The following TTC6 variants were observed in gnomAD, a reference collection of about 807,000 sequenced individuals.
TTC6 encodes tetratricopeptide repeat domain 6, also known as tetratricopeptide repeat protein 6.
In TTC6, 172 loss-of-function variants were observed where a neutral mutation model predicts 210.4. That is an observed-to-expected ratio of 0.82 (90% CI 0.72 to 0.93). The LOEUF (loss-of-function observed/expected upper bound fraction) is 0.93. Among genes scored for constraint, TTC6 ranks in the 40% least tolerant of loss-of-function variants. The probability of loss-of-function intolerance (pLI) is 0.00; values close to 1 mark genes in which losing one functional copy is unlikely to be tolerated. For missense variants in TTC6, 2,414 were observed against 2,318.1 expected (o/e 1.04, Z -0.85); for synonymous variants, 804 against 819.6 (o/e 0.98, Z 0.32).
At chr14:37,768,409 G>A (rs1414041897) in intron 14 of TTC6, among the ~76,000 whole-genome samples, 34 of 151,652 alleles carry the variant, frequency 2.2e-4, no homozygotes, top group African/African-American at 7.3e-4. Flanking sequence ...CCATTTTCAC[G>A]ATATTGATTC....
chr14:37,795,772 C>CT (rs1452104812), intron 18 of TTC6, among the ~76,000 whole-genome samples: 1 of 152,144 alleles, frequency 6.6e-6, no homozygotes, highest in African/African-American at 2.4e-5. Flanking sequence ...TATACCATTT[C>CT]TACAGGTACT....
intron 1 of TTC6, among the ~76,000 whole-genome samples, chr14:37,647,868 G>A (rs1018656758): frequency 6.6e-6 from 1 of 152,080 alleles, no homozygotes; most frequent in African/African-American, 2.4e-5. Flanking sequence ...CCTGGTAGAA[G>A]AGAAAAACCA....
chr14:37,782,319 A>G (rs1490918127), intron 14 of TTC6, among the ~76,000 whole-genome samples: 7 of 152,004 alleles, frequency 4.6e-5, no homozygotes, highest in African/African-American at 1.7e-4. Flanking sequence ...GTGGTTTGTA[A>G]TTCTCCTTGA....
intron 14 of TTC6, among the ~76,000 whole-genome samples, chr14:37,781,748 T>G (rs1485932112): frequency 6.6e-6 from 1 of 152,204 alleles, no homozygotes; most frequent in African/African-American, 2.4e-5. Flanking sequence ...TCTAGGATTT[T>G]TATGCTTTTA....
intron 2 of TTC6, among the ~76,000 whole-genome samples, chr14:37,614,513 A>G (rs1276734791): frequency 6.6e-6 from 1 of 152,176 alleles, no homozygotes; most frequent in Non-Finnish European, 1.5e-5. Flanking sequence ...ACTTACTCAG[A>G]CATTTGACAT....
At chr14:37,745,078 GTATA>G (rs984542109) in intron 10 of TTC6, among the ~76,000 whole-genome samples, 1 of 151,732 alleles carries the variant, frequency 6.6e-6, no homozygotes, top group Non-Finnish European at 1.5e-5. Context: ...ATGTGTGTGT[GTATA>G]TATATATGGA....
chr14:37,658,041 T>G (rs996397845), intron 1 of TTC6, among the ~76,000 whole-genome samples: 3 of 152,312 alleles, frequency 2.0e-5, no homozygotes, highest in African/African-American at 7.2e-5. Context: ...AGTTTAAGCT[T>G]TGTTGAACCA....
At chr14:37,698,042 T>C (rs1182316941) in intron 4 of TTC6, among the ~76,000 whole-genome samples, 2 of 152,138 alleles carry the variant, frequency 1.3e-5, no homozygotes, top group Non-Finnish European at 1.5e-5. Context: ...TTGATATATA[T>C]ATATTACTGC....
chr14:37,726,907 G>A (rs2095874100), intron 7 of TTC6, among the ~76,000 whole-genome samples: 1 of 151,848 alleles, frequency 6.6e-6, no homozygotes, highest in African/African-American at 2.4e-5. Flanking sequence ...TTCTAATATT[G>A]CATCATTTTC....
intron 5 of TTC6, among the ~76,000 whole-genome samples, chr14:37,711,221 A>G (rs2095844224): frequency 6.6e-6 from 1 of 152,162 alleles, no homozygotes; most frequent in African/African-American, 2.4e-5. Flanking sequence ...AAATTCAACA[A>G]TATTTATTTA....
intron 10 of TTC6, 47 bp from the exon 13 acceptor site, chr14:37,748,892 A>T (rs2095943715): frequency 7.3e-7 from 1 of 1,367,548 alleles, no homozygotes; most frequent in Non-Finnish European, 9.6e-7. Flanking sequence ...GATTAGAAAG[A>T]TGATTGTATT....
exon 1 of TTC6, chr14:37,622,494 G>C: frequency 1.3e-6 from 2 of 1,535,230 alleles, no homozygotes; most frequent in South Asian, 1.2e-5. Flanking sequence ...CTCGGGGTTC[G>C]GCACGGCCAG....
rs923661772 is a variant in TTC6 at position 37,782,029 on chromosome 14, G to A, written c.3267-5439G>A. On this transcript the variant is annotated intron_variant, in intron 14 of 30. Coordinates refer to ENST00000553443, the Ensembl canonical transcript of TTC6. ...GTACCATGCTGTTTTGGTTACTGTA[G>A]CCTTGTAGTATAGTTTGAAGTCAGG... Among the ~76,000 whole-genome samples, 30 of 152,102 alleles carry A rather than the reference G, an allele frequency of 2.0e-4. 1 individual carries two copies. Among genetic ancestry groups the A allele is most frequent in the African/African-American group, 7.0e-4 (29 of 41,424 alleles).
chr14:37,801,626 T>C (rs1270225517), intron 20 of TTC6, among the ~76,000 whole-genome samples: 1 of 152,098 alleles, frequency 6.6e-6, no homozygotes, highest in East Asian at 1.9e-4. Flanking sequence ...TGACTTCTTA[T>C]GGAGAGAGTG....
chr14:37,624,366 C>A (rs1265755841), intron 1 of TTC6, among the ~76,000 whole-genome samples: 2 of 152,162 alleles, frequency 1.3e-5, no homozygotes, highest in Non-Finnish European at 1.5e-5. Context: ...AGAAAGGCCT[C>A]GGTGCCCCTA....
intron 14 of TTC6, among the ~76,000 whole-genome samples, chr14:37,766,416 G>A (rs1051682375): frequency 6.6e-6 from 1 of 152,088 alleles, no homozygotes; most frequent in Non-Finnish European, 1.5e-5. Context: ...TTGTGTCCAT[G>A]TGTTCTCAAT....
chr14:37,723,936 G>A (rs2095866614), intron 6 of TTC6, among the ~76,000 whole-genome samples: 1 of 151,970 alleles, frequency 6.6e-6, no homozygotes, highest in African/African-American at 2.4e-5. Context: ...TTCACCCCTT[G>A]TGCTTCAAAG....
rs746974156 is a variant in TTC6, at chr14:37,666,254, C to A, written c.940-13897C>A. ...TTCACCTGACTGCAACATTCCCCATCGATCTGCTTTATACACTGGGCCTCC... is the reference window on the plus strand; with the variant it reads ...TTCACCTGACTGCAACATTCCCCATAGATCTGCTTTATACACTGGGCCTCC... On this transcript the variant is annotated intron_variant, in intron 1 of 30. Transcript: ENST00000553443. Among the ~76,000 whole-genome samples, 17 of 149,666 alleles carry A rather than the reference C, an allele frequency of 1.1e-4. 2 individuals carry two copies. The highest frequency in any genetic ancestry group is 1.9e-4 in the Non-Finnish European group (13 of 66,744).
chr14:37,818,849 G>A (rs1032802632), intron 26 of TTC6, among the ~76,000 whole-genome samples: 4 of 152,098 alleles, frequency 2.6e-5, no homozygotes, highest in African/African-American at 7.2e-5. Flanking sequence ...ATGGAATAAC[G>A]ATGACTGATG....
Sources: allele counts gnomAD v4.1 joint callset (sites outside exome capture counted in the v4.1 genomes callset), GRCh38; gene constraint gnomAD v4.1.1; transcripts MANE v1.5; gene names NCBI Gene and HGNC (gene_info 2026-07-23, HGNC 2026-07-21).